Variants in LPP observed in about 807,000 individuals in gnomAD.
The protein encoded by LPP is lipoma-preferred partner.
A neutral mutation model predicts 60.4 loss-of-function variants in LPP; 38 were observed. The ratio of observed to expected loss-of-function variants is 0.63; its 90% confidence interval spans 0.49 to 0.83. LPP has a LOEUF of 0.83. LPP is among the 40% of genes least tolerant of loss of function. The pLI is 0.00. For missense variants in LPP, 902 were observed against 783.6 expected (o/e 1.15, Z -1.80); for synonymous variants, 328 against 290.8 (o/e 1.13, Z -1.30).
At chr3:188,842,518 A>G (rs1577919622) in intron 9 of LPP, among the ~76,000 whole-genome samples, 1 of 152,132 alleles carries the variant, frequency 6.6e-6, no homozygotes, top group African/African-American at 2.4e-5. Flanking sequence ...GATTAACTTG[A>G]TGTGATCCCA....
At chr3:188,379,900 G>A (rs1482753947) in intron 3 of LPP, among the ~76,000 whole-genome samples, 1 of 152,222 alleles carries the variant, frequency 6.6e-6, no homozygotes, top group Non-Finnish European at 1.5e-5. Context: ...TGGGTCTGCT[G>A]ACTAGGGCCT....
intron 9 of LPP, among the ~76,000 whole-genome samples, chr3:188,862,267 G>A (rs546744513): frequency 6.6e-6 from 1 of 152,268 alleles, no homozygotes; most frequent in East Asian, 1.9e-4. Flanking sequence ...TGGCTTCATG[G>A]GAGGAGAGAG....
chr3:188,501,788 G>A (rs1244570266), intron 5 of LPP, among the ~76,000 whole-genome samples: 1 of 151,702 alleles, frequency 6.6e-6, no homozygotes, highest in Non-Finnish European at 1.5e-5. Context: ...GTGGTGGTGG[G>A]CACCTGTAAT....
At chr3:188,277,644 A>C (rs1740449551) in intron 2 of LPP, among the ~76,000 whole-genome samples, 1 of 152,212 alleles carries the variant, frequency 6.6e-6, no homozygotes, top group Non-Finnish European at 1.5e-5. Context: ...TCTAAGAGAC[A>C]TGGACTGTGT....
intron 9 of LPP, among the ~76,000 whole-genome samples, chr3:188,771,587 G>C (rs1257962174): frequency 6.6e-6 from 1 of 150,666 alleles, no homozygotes; most frequent in Non-Finnish European, 1.5e-5. Context: ...AAGAAAGGGA[G>C]AAAGAAAGAA....
chr3:188,366,341 A>G lies in LPP; in HGVS notation c.-10+24622A>G, dbSNP rs934106726. ...GCTATTGTGAATAACGCAGCAGTGA[A>G]CATGGGAGTGCAGGTGTCTCCTTGA... On this transcript the variant is annotated intron_variant, in intron 3 of 11. Transcript: ENST00000617246. Among the ~76,000 whole-genome samples, 5 of 152,232 alleles carry G rather than the reference A, an allele frequency of 3.3e-5. No individual in the cohort carries two copies. In the East Asian group the frequency reaches 9.6e-4, roughly 29 times the overall value.
chr3:188,196,453 C>T (rs1212483327), intron 1 of LPP, among the ~76,000 whole-genome samples: 1 of 152,176 alleles, frequency 6.6e-6, no homozygotes, highest in Non-Finnish European at 1.5e-5. Flanking sequence ...CTTACAGAGT[C>T]AACCACGGTA....
intron 1 of LPP, among the ~76,000 whole-genome samples, chr3:188,213,530 C>T (rs1185927213): frequency 1.3e-5 from 2 of 152,154 alleles, no homozygotes; most frequent in African/African-American, 4.8e-5. Context: ...TCCACACTTA[C>T]TAATCTAGTT....
chr3:188,726,085 C>G (rs1206553521), intron 8 of LPP, among the ~76,000 whole-genome samples: 1 of 152,132 alleles, frequency 6.6e-6, no homozygotes, highest in African/African-American at 2.4e-5. Context: ...GTGGAAACTC[C>G]ATGAAGGGTT....
At chr3:188,421,285 G>C (rs1264227498) in intron 4 of LPP, among the ~76,000 whole-genome samples, 1 of 152,092 alleles carries the variant, frequency 6.6e-6, no homozygotes, top group Non-Finnish European at 1.5e-5. Flanking sequence ...TGATTCATCA[G>C]TGCAGTGGCC....
intron 7 of LPP, among the ~76,000 whole-genome samples, chr3:188,635,764 CT>C (rs1848614063): frequency 6.6e-6 from 1 of 152,178 alleles, no homozygotes; most frequent in African/African-American, 2.4e-5. Context: ...TAACTTAGCA[CT>C]TCCCCAGTGG....
At chr3:188,766,017 C>T (rs1733992116) in intron 9 of LPP, among the ~76,000 whole-genome samples, 1 of 151,448 alleles carries the variant, frequency 6.6e-6, no homozygotes, top group South Asian at 2.1e-4. Flanking sequence ...ATTACAGGCG[C>T]CCACCACCAC....
At chr3:188,569,637 C>T (rs1833051486) in intron 6 of LPP, among the ~76,000 whole-genome samples, 2 of 151,948 alleles carry the variant, frequency 1.3e-5, no homozygotes, top group South Asian at 4.1e-4. Context: ...CCTGTCATTT[C>T]TCCCATTTTT....
intron 4 of LPP, among the ~76,000 whole-genome samples, chr3:188,465,332 A>G (rs1005028792): frequency 3.3e-5 from 5 of 152,126 alleles, no homozygotes; most frequent in Non-Finnish European, 7.4e-5. Flanking sequence ...AAATTCCGCA[A>G]TGAGTAAGTC....
chr3:188,471,207 T>G lies in LPP; in HGVS notation c.194-13385T>G, dbSNP rs568540025. Among the ~76,000 whole-genome samples the G allele has an allele frequency of 3.3e-5, 5 of 152,348 alleles. No homozygotes were observed. The South Asian group carries it at 1.0e-3, about 32-fold the overall frequency. On this transcript the variant is annotated intron_variant, in intron 4 of 11. Coordinates refer to ENST00000617246, the MANE Select transcript of LPP (RefSeq NM_001375462.1). ...TCCTTATGCTAGGACCACACTGTTT[T>G]GATCACTGTAGCTTTGTGATAAGCT...
chr3:188,782,739 G>GA (rs66466869), intron 9 of LPP, among the ~76,000 whole-genome samples: 17,096 of 142,138 alleles, frequency 0.12, 1,167 homozygotes, highest in Middle Eastern at 0.16. Context: ...ATGTTGCTGG[G>GA]AAAAAAAAAA....
At chr3:188,509,762 G>A (rs1814800692) in intron 5 of LPP, among the ~76,000 whole-genome samples, 2 of 147,470 alleles carry the variant, frequency 1.4e-5, no homozygotes, top group Non-Finnish European at 1.5e-5. Flanking sequence ...GCATGATCTC[G>A]GCTCACTGCA....
At chr3:188,468,883 G>A (rs1801097412) in intron 4 of LPP, among the ~76,000 whole-genome samples, 2 of 152,090 alleles carry the variant, frequency 1.3e-5, no homozygotes, top group African/African-American at 4.8e-5. Context: ...CAGGAGGAGG[G>A]AACAAGTTCC....
chr3:188,252,595 G>A (rs1577590942), intron 2 of LPP, among the ~76,000 whole-genome samples: 1 of 152,054 alleles, frequency 6.6e-6, no homozygotes. Flanking sequence ...AGATGTCTGT[G>A]AAGCTTATGA....
Sources: gnomAD v4.1 joint callset for allele counts (sites outside exome capture counted in the v4.1 genomes callset) on GRCh38, gnomAD v4.1.1 for gene constraint, MANE v1.5 for transcripts, NCBI Gene and HGNC (gene_info 2026-07-23, HGNC 2026-07-21) for gene names.